ZNF383: variants seen among roughly 807,000 people sequenced by gnomAD.
ZNF383 encodes zinc finger protein 383.
Under a neutral mutation model 44.2 loss-of-function variants are expected in ZNF383, and 32 were observed. That is an observed-to-expected ratio of 0.72 (90% CI 0.55 to 0.97). The LOEUF (loss-of-function observed/expected upper bound fraction) is 0.97, where lower values mean the gene tolerates loss of function less well. Among genes scored for constraint, ZNF383 ranks in the 50% least tolerant of loss-of-function variants. The pLI, the probability that ZNF383 is intolerant of heterozygous loss-of-function variation, is 0.00. For synonymous variants in ZNF383, 155 were observed against 186.2 expected (o/e 0.83, Z 1.36); for missense variants, 487 against 562.5 (o/e 0.87, Z 1.36).
intron 2 of ZNF383, 23 bp from the exon 3 acceptor site, chr19:37,230,386 C>G (rs2145499676): frequency 6.3e-7 from 1 of 1,576,982 alleles, no homozygotes; most frequent in South Asian, 1.1e-5. Context: ...GTCATGCAAC[C>G]TCAGAACACT....
chr19:37,239,999 A>G (rs890320120), intron 5 of ZNF383, among the ~76,000 whole-genome samples: 1 of 152,024 alleles, frequency 6.6e-6, no homozygotes, highest in Non-Finnish European at 1.5e-5. Flanking sequence ...CTTTCCTAAA[A>G]TACAAAAAAA....
intron 5 of ZNF383, among the ~76,000 whole-genome samples, chr19:37,241,959 A>G (rs1413993054): frequency 1.4e-5 from 2 of 144,312 alleles, no homozygotes; most frequent in Middle Eastern, 3.7e-3. Flanking sequence ...CTATATAAGT[A>G]TATATATACT....
chr19:37,235,048 A>G (rs1441125367), intron 3 of ZNF383, among the ~76,000 whole-genome samples: 1 of 152,120 alleles, frequency 6.6e-6, no homozygotes, highest in Non-Finnish European at 1.5e-5. Context: ...TGAGGCGGGC[A>G]GATCACCTGA....
chr19:37,236,957 ACACACACACAC>A (rs1973836528), intron 5 of ZNF383, among the ~76,000 whole-genome samples: 1 of 27,070 alleles, frequency 3.7e-5, no homozygotes, highest in Non-Finnish European at 6.4e-5. Context: ...ACATGTGAAC[ACACACACACAC>A]ACACACACAC....
intron 3 of ZNF383, among the ~76,000 whole-genome samples, chr19:37,234,302 A>C (rs1209311956): frequency 6.6e-6 from 1 of 152,244 alleles, no homozygotes; most frequent in Non-Finnish European, 1.5e-5. Context: ...GTACTTTTAC[A>C]TAATATTTCT....
At chr19:37,233,787 C>G (rs576074781) in intron 3 of ZNF383, among the ~76,000 whole-genome samples, 1 of 151,956 alleles carries the variant, frequency 6.6e-6, no homozygotes, top group East Asian at 1.9e-4. Context: ...TATCTTTGTT[C>G]CAATTTCTAC....
At chr19:37,236,660 C>G (rs929436035) in intron 5 of ZNF383, among the ~76,000 whole-genome samples, 1 of 151,702 alleles carries the variant, frequency 6.6e-6, no homozygotes, top group Non-Finnish European at 1.5e-5. Flanking sequence ...ACCTCTGCCT[C>G]CCGGGTTCAG....
intron 2 of ZNF383, among the ~76,000 whole-genome samples, chr19:37,228,836 A>AT (rs1487550035): frequency 6.6e-6 from 1 of 152,164 alleles, no homozygotes; most frequent in Non-Finnish European, 1.5e-5. Context: ...GAACACATAT[A>AT]TAATCCTTCT....
Position 37,243,520 on chromosome 19 carries a change from A to T in ZNF383, c.1284A>T (p.Gly428=), listed in dbSNP as rs938357517. Residue 428 remains glycine, a synonymous_variant, in exon 6 of 6, where the codon GGA becomes GGT. Coordinates refer to ENST00000684119, the MANE Select transcript of ZNF383 (RefSeq NM_001387601.1). ...DEKPYECNEC[G]KAFNKCSNLT... ...AACCATATGAATGTAATGAATGTGG[A>T]AAGGCCTTTAATAAATGCTCAAACC... 17 of 1,613,930 alleles carry T rather than the reference A, an allele frequency of 1.1e-5. No individual in the cohort carries two copies. Among genetic ancestry groups the T allele is most frequent in the Non-Finnish European group, 1.4e-5 (17 of 1,180,004 alleles).
At position 37,248,385 on chromosome 19, in the gene ZNF383, T is replaced by G. The variant is rs1974441068; in HGVS notation, c.*4721T>G. On this transcript the variant is annotated 3_prime_UTR_variant, in exon 6 of 6. Transcript: ENST00000684119. Reference sequence around the variant, plus strand: ...GTTATGAAAATACAGCATTATAAATTAGCAAATCAAATCTAGTAACCCATT... The same window carrying G: ...GTTATGAAAATACAGCATTATAAATGAGCAAATCAAATCTAGTAACCCATT... 1 of 152,214 alleles carries G rather than the reference T, an allele frequency of 6.6e-6. No homozygotes were observed. The highest frequency in any genetic ancestry group is 1.5e-5 in the Non-Finnish European group (1 of 68,026). The allele number at this position is 152,214 out of a possible 1,614,324, so 9.4% of individuals were successfully genotyped here.
chr19:37,227,237 C>T (rs1973214423), intron 2 of ZNF383, among the ~76,000 whole-genome samples: 1 of 151,914 alleles, frequency 6.6e-6, no homozygotes, highest in African/African-American at 2.4e-5. Context: ...GCCTCAGCCT[C>T]CCTAGTAGCT....
intron 3 of ZNF383, among the ~76,000 whole-genome samples, chr19:37,234,534 C>T (rs1973672420): frequency 1.3e-5 from 2 of 152,220 alleles, no homozygotes; most frequent in African/African-American, 2.4e-5. Flanking sequence ...GGACTACAGG[C>T]GCCCGCCACC....
Position 37,241,636 on chromosome 19 carries a change from C to A in ZNF383, c.233-833C>A, listed in dbSNP as rs577757045. On this transcript the variant is annotated intron_variant, in intron 5 of 5. Transcript: ENST00000684119. ...CTCAGAGGTCAAGCAGCTGCAAGTCCCACCCTTGTAATCACAAGCTAGTGT... is the reference window on the plus strand; with the variant it reads ...CTCAGAGGTCAAGCAGCTGCAAGTCACACCCTTGTAATCACAAGCTAGTGT... 2.0e-5 allele frequency among the ~76,000 whole-genome samples: 3 copies of A among 152,080 alleles called. No individual in the cohort carries two copies. In the South Asian group the frequency reaches 6.2e-4, roughly 31 times the overall value.
At chr19:37,228,123 G>A (rs1011483754) in intron 2 of ZNF383, among the ~76,000 whole-genome samples, 2 of 152,172 alleles carry the variant, frequency 1.3e-5, no homozygotes, top group African/African-American at 4.8e-5. Context: ...TTAAGTAACG[G>A]GTGCCTTCCC....
Position 37,243,011 on chromosome 19 carries a change from T to C in ZNF383, c.775T>C (p.Cys259Arg). The change falls in exon 6 of 6, where the codon TGT (cysteine) becomes CGT (arginine). Residue 259 changes from cysteine (C) to arginine (R), a missense_variant. Coordinates refer to ENST00000684119, the MANE Select transcript of ZNF383 (RefSeq NM_001387601.1). ...TAAGAAACCCTATGAATGTAAGGAA[T>C]GTGGGAAGGCCTTTAGTTATTGCTC... is the stretch of plus-strand genomic sequence containing the variant. ...TGKKPYECKE[C>R]GKAFSYCSNL... 6.2e-7 allele frequency: 1 copy of C among 1,614,150 alleles called. No individual in the cohort carries two copies. Among genetic ancestry groups the C allele is most frequent in the Non-Finnish European group, 8.5e-7 (1 of 1,180,026 alleles).
rs531628267 is a variant in ZNF383, at chr19:37,222,984, T to C, written c.-167-1834T>C. Among the ~76,000 whole-genome samples, 3 of 152,364 alleles carry C rather than the reference T, an allele frequency of 2.0e-5. No individual in the cohort carries two copies. In the South Asian group the frequency reaches 6.2e-4, roughly 32 times the overall value. On this transcript the variant is annotated intron_variant, in intron 1 of 5. Coordinates refer to ENST00000684119, the MANE Select transcript of ZNF383 (RefSeq NM_001387601.1). ...AAGCTTTACTAGAGATAAAGAGGAA[T>C]AGTTTATAATAAAAAGATCAATTCA...
At chr19:37,236,954 AACACACACAC>A (rs35036376) in intron 5 of ZNF383, among the ~76,000 whole-genome samples, 2,578 of 146,834 alleles carry the variant, frequency 0.018, 56 homozygotes, top group African/African-American at 0.048. Context: ...CACACATGTG[AACACACACAC>A]ACACACACAC....
chr19:37,241,966 T>C (rs1974105437), intron 5 of ZNF383, among the ~76,000 whole-genome samples: 1 of 144,270 alleles, frequency 6.9e-6, no homozygotes, highest in South Asian at 2.1e-4. Context: ...AGTATATATA[T>C]ACTATATAGT....
chr19:37,240,753 C>A (rs867159867), intron 5 of ZNF383, among the ~76,000 whole-genome samples: 39 of 152,326 alleles, frequency 2.6e-4, no homozygotes, highest in African/African-American at 8.4e-4. Flanking sequence ...TAGTTCAATA[C>A]ATTAGACTTA....
Sources: allele counts gnomAD v4.1 joint callset (sites outside exome capture counted in the v4.1 genomes callset), GRCh38; gene constraint gnomAD v4.1.1; transcripts MANE v1.5; gene names NCBI Gene and HGNC (gene_info 2026-07-23, HGNC 2026-07-21).